The following ZNF710 variants were observed in gnomAD, a reference collection of about 807,000 sequenced individuals.
The protein encoded by ZNF710 is zinc finger protein 710.
ZNF710 carries 13 observed loss-of-function variants against 50.6 expected under a neutral mutation model. The observed-to-expected ratio is 0.26, with a 90% CI of 0.17 to 0.41. The LOEUF is 0.41. Ranked by LOEUF, ZNF710 falls within the 10% of genes least tolerant of loss-of-function variation. The pLI is 1.00. For synonymous variants in ZNF710, 383 were observed against 397.0 expected, an observed-to-expected ratio of 0.96 and a Z score of 0.42; for missense variants, 721 against 936.6, an observed-to-expected ratio of 0.77 and a Z score of 3.01.
chr15:90,052,198 A>G (rs972800865), intron 1 of ZNF710, among the ~76,000 whole-genome samples: 1 of 152,026 alleles, frequency 6.6e-6, no homozygotes. Flanking sequence ...AGACACTCAC[A>G]CAGCTCGAGG....
chr15:90,001,709 G>A (rs1401226267), intron 1 of ZNF710, 95 bp downstream of exon 1: 1 of 142,584 alleles, frequency 7.0e-6, no homozygotes. Flanking sequence ...GCGGGGGTGG[G>A]TCGCTGCGGC....
At chr15:89,999,909 G>C (rs758999086), upstream of ZNF710, among the ~76,000 whole-genome samples, 5 of 151,998 alleles carry the variant, frequency 3.3e-5, no homozygotes, top group Non-Finnish European at 5.9e-5. Context: ...ATGCAGCCGG[G>C]AGGAAGGAAG....
intron 1 of ZNF710, among the ~76,000 whole-genome samples, chr15:90,041,378 G>A (rs1482545008): frequency 6.6e-6 from 1 of 151,956 alleles, no homozygotes; most frequent in African/African-American, 2.4e-5. Flanking sequence ...TTTTGTAGAG[G>A]TGAGGTCTCA....
At chr15:90,071,677 C>CT (rs201729973) in intron 2 of ZNF710, among the ~76,000 whole-genome samples, 7,165 of 127,200 alleles carry the variant, frequency 0.056, 531 homozygotes, top group East Asian at 0.2. Context: ...TTTATTTTTA[C>CT]TCTTTTTTTT....
At chr15:90,064,038 AT>A (rs899577487) in intron 1 of ZNF710, among the ~76,000 whole-genome samples, 1 of 152,226 alleles carries the variant, frequency 6.6e-6, no homozygotes, top group Non-Finnish European at 1.5e-5. Flanking sequence ...TGGCTTGGCC[AT>A]TGATGCTCAG....
At chr15:90,005,669 C>T (rs1277857500) in intron 1 of ZNF710, among the ~76,000 whole-genome samples, 1 of 152,118 alleles carries the variant, frequency 6.6e-6, no homozygotes, top group African/African-American at 2.4e-5. Flanking sequence ...AGGATGGTCT[C>T]GATCTCTTCA....
intron 1 of ZNF710, among the ~76,000 whole-genome samples, chr15:90,001,971 GA>G (rs1898024069): frequency 7.3e-6 from 1 of 137,594 alleles, no homozygotes; most frequent in Admixed American, 7.1e-5. Flanking sequence ...GCGAATGAGA[GA>G]GAGAGAGAGA....
intron 1 of ZNF710, among the ~76,000 whole-genome samples, chr15:90,024,271 A>G (rs1041728632): frequency 1.3e-5 from 2 of 152,162 alleles, no homozygotes; most frequent in East Asian, 3.9e-4. Context: ...ATCTTAACAC[A>G]TTCCCCCCAG....
chr15:90,019,294 T>C (rs566585338), intron 1 of ZNF710, among the ~76,000 whole-genome samples: 1 of 152,112 alleles, frequency 6.6e-6, no homozygotes, highest in East Asian at 1.9e-4. Context: ...TATAGTTCTT[T>C]TGAACAGATG....
At chr15:90,005,508 G>A (rs1898118030) in intron 1 of ZNF710, among the ~76,000 whole-genome samples, 2 of 152,160 alleles carry the variant, frequency 1.3e-5, no homozygotes, top group Non-Finnish European at 2.9e-5. Context: ...GAGTGCAGTG[G>A]CGCGATCTCA....
Position 90,040,659 on chromosome 15 carries a change from A to G in ZNF710, c.-28-26451A>G, listed in dbSNP as rs1372276589. On this transcript the variant is annotated intron_variant, in intron 1 of 4. Transcript: ENST00000268154. The surrounding 1 kb of genome is among the most constrained non-coding windows in gnomAD (Gnocchi z 4.6). ...ATATGCATCTTTTTTTACATCAAAC[A>G]ATACTGATGGGCTTCTAGTGCTAAA... 6.6e-6 allele frequency among the ~76,000 whole-genome samples: 1 copy of G among 151,940 alleles called. No individual in the cohort carries two copies. The highest frequency in any genetic ancestry group is 1.9e-4 in the East Asian group (1 of 5,180).
At chr15:90,000,648 T>G (rs943408869), upstream of ZNF710, among the ~76,000 whole-genome samples, 2 of 152,220 alleles carry the variant, frequency 1.3e-5, no homozygotes, top group Non-Finnish European at 2.9e-5. Flanking sequence ...TGCTGTTCAG[T>G]GCTCTGCGGG....
chr15:90,027,183 A>G (rs1898803838), intron 1 of ZNF710, among the ~76,000 whole-genome samples: 1 of 152,116 alleles, frequency 6.6e-6, no homozygotes. Flanking sequence ...AGATTTGACT[A>G]CCTTAAAAAA....
In ZNF710 at chr15:90,059,706, G is replaced by A. The variant is rs1899943391; in HGVS notation, c.-28-7404G>A. On this transcript the variant is annotated intron_variant, in intron 1 of 4. Coordinates refer to ENST00000268154, the MANE Select transcript of ZNF710 (RefSeq NM_198526.4). The surrounding 1 kb of genome is among the most constrained non-coding windows in gnomAD (Gnocchi z 4.1). ...GTGGGCTGGGCAGAAGTGAGACTGT[G>A]GCAAGGGGCCCCGAGGCACAGGCCT... Among the ~76,000 whole-genome samples, 1 of 152,228 alleles carries A rather than the reference G, an allele frequency of 6.6e-6. No homozygotes were observed. The highest frequency in any genetic ancestry group is 1.5e-5 in the Non-Finnish European group (1 of 68,034).
chr15:90,042,872 C>T (rs1196290158), intron 1 of ZNF710, among the ~76,000 whole-genome samples: 2 of 152,234 alleles, frequency 1.3e-5, no homozygotes, highest in Admixed American at 1.3e-4. Context: ...TCTTGGCTAA[C>T]TCAGGAAGGT....
rs1555456030 is a variant in ZNF710, at chr15:90,021,018, C to CCCCA, written c.-29+19406_-29+19407insCACC. Among the ~76,000 whole-genome samples, 2 of 150,414 alleles carry CCCCA rather than the reference C, an allele frequency of 1.3e-5. 1 individual carries two copies. Among genetic ancestry groups the CCCCA allele is most frequent in the African/African-American group, 5.0e-5 (2 of 40,162 alleles). On this transcript the variant is annotated intron_variant, in intron 1 of 4. Transcript: ENST00000268154. The stretch of plus-strand genomic sequence containing the variant: ...TGAGAGAGGGTGTGGCACCCCCCCC[C>CCCCA]CCTTAGCAGCCTGGGGGACGTCAGC...
intron 2 of ZNF710, among the ~76,000 whole-genome samples, chr15:90,072,493 C>T (rs2151534915): frequency 6.6e-6 from 1 of 152,304 alleles, no homozygotes; most frequent in African/African-American, 2.4e-5. Flanking sequence ...CGAAATTCTA[C>T]ATAGACCTAA....
At chr15:90,071,535 A>G (rs1020282534) in intron 2 of ZNF710, among the ~76,000 whole-genome samples, 2 of 152,082 alleles carry the variant, frequency 1.3e-5, no homozygotes, top group African/African-American at 4.8e-5. Context: ...TTATAATACA[A>G]AGTTTTTATA....
intron 3 of ZNF710, among the ~76,000 whole-genome samples, 191 bp from the exon 4 acceptor site, chr15:90,073,925 A>C (rs1339123474): frequency 6.9e-6 from 1 of 145,832 alleles, no homozygotes; most frequent in Non-Finnish European, 1.5e-5. Flanking sequence ...AGGAGGCAGA[A>C]GTTGCAGTGA....
Sources: allele counts gnomAD v4.1 joint callset (sites outside exome capture counted in the v4.1 genomes callset), GRCh38; gene constraint gnomAD v4.1.1; non-coding constraint Gnocchi (gnomAD v3.1); transcripts MANE v1.5; gene names NCBI Gene and HGNC (gene_info 2026-07-23, HGNC 2026-07-21).